TBCE: variants seen among roughly 807,000 people sequenced by gnomAD.
TBCE encodes the protein tubulin folding cofactor E, also known as tubulin-specific chaperone E.
TBCE carries 53 observed loss-of-function variants against 77.0 expected under a neutral mutation model. The ratio of observed to expected loss-of-function variants is 0.69; its 90% CI spans 0.55 to 0.87. The LOEUF (loss-of-function observed/expected upper bound fraction) is 0.87. TBCE is among the 40% of genes least tolerant of loss of function. The probability of loss-of-function intolerance (pLI) is 0.00; values close to 1 mark genes in which losing one functional copy is unlikely to be tolerated. For synonymous variants in TBCE, 235 were observed against 241.3 expected, an observed-to-expected ratio of 0.97 and a Z score of 0.24; for missense variants, 624 against 622.4, an observed-to-expected ratio of 1.00 and a Z score of -0.03.
intron 6 of TBCE, chr1:235,430,205 C>G (rs1191187449): frequency 1.3e-5 from 2 of 155,690 alleles, no homozygotes; most frequent in African/African-American, 4.8e-5. Flanking sequence ...AAGTGACTGT[C>G]AGGATTGAAT....
At position 235,442,931 on chromosome 1, in the gene TBCE, CT is replaced by C; in HGVS notation, c.1399+24del. ...TGCCGGGTAAGAAGAACCAGCCTGTCTTTTCCTTAAACTCTGAATCATCGGC... is the reference window on the plus strand; with the variant it reads ...TGCCGGGTAAGAAGAACCAGCCTGTCTTTCCTTAAACTCTGAATCATCGGC... On this transcript the variant is annotated intron_variant, in intron 15 of 16. Transcript: ENST00000642610. The C allele has an allele frequency of 1.2e-6, 2 of 1,613,632 alleles. No homozygotes were observed. The highest frequency in any genetic ancestry group is 2.2e-5 in the South Asian group (2 of 91,046).
chr1:235,376,789 C>T (rs1469374079), intron 1 of TBCE, among the ~76,000 whole-genome samples: 1 of 152,060 alleles, frequency 6.6e-6, no homozygotes, highest in Non-Finnish European at 1.5e-5. Flanking sequence ...GCCTGGCCCA[C>T]ATGGTGAAAT....
intron 2 of TBCE, among the ~76,000 whole-genome samples, chr1:235,388,038 T>A (rs1245537719): frequency 2.0e-5 from 3 of 152,340 alleles, no homozygotes; most frequent in South Asian, 4.1e-4. Flanking sequence ...CAAGGGTTTT[T>A]ACTTTCCTGG....
intron 6 of TBCE, among the ~76,000 whole-genome samples, chr1:235,428,921 G>A (rs1054897451): frequency 1.3e-5 from 2 of 149,360 alleles, no homozygotes; most frequent in African/African-American, 5.0e-5. Flanking sequence ...GGATTACAGT[G>A]TGAGCCACTG....
At chr1:235,444,192 T>G (rs1243288831) in intron 15 of TBCE, among the ~76,000 whole-genome samples, 1 of 152,218 alleles carries the variant, frequency 6.6e-6, no homozygotes, top group Non-Finnish European at 1.5e-5. Context: ...CCTTTCTGAT[T>G]GATAACCATC....
At chr1:235,397,784 C>A (rs903150149) in intron 2 of TBCE, among the ~76,000 whole-genome samples, 1 of 152,164 alleles carries the variant, frequency 6.6e-6, no homozygotes, top group Non-Finnish European at 1.5e-5. Flanking sequence ...AGGGTTTGTT[C>A]GCCCTGGATG....
chr1:235,395,110 A>G (rs1678646111), intron 2 of TBCE, among the ~76,000 whole-genome samples: 1 of 152,248 alleles, frequency 6.6e-6, no homozygotes, highest in South Asian at 2.1e-4. Flanking sequence ...GGGAATTATG[A>G]GTAAAGTTGC....
chr1:235,447,390 A>G (rs1019890673), intron 15 of TBCE, among the ~76,000 whole-genome samples: 26 of 152,194 alleles, frequency 1.7e-4, no homozygotes, highest in African/African-American at 5.3e-4. Flanking sequence ...CTTATAATCA[A>G]AATATCCACT....
chr1:235,387,671 G>T (rs571735995), intron 2 of TBCE, among the ~76,000 whole-genome samples: 1 of 152,236 alleles, frequency 6.6e-6, no homozygotes, highest in South Asian at 2.1e-4. Context: ...TATTAGGGTG[G>T]GAGTGACCCG....
rs2270538 is a variant in TBCE at position 235,439,089 on chromosome 1, G to A, written c.1270+167G>A. On this transcript the variant is annotated intron_variant, in intron 13 of 16. Transcript: ENST00000642610. Reference sequence around the variant, plus strand: ...ATAGGCACTTTCCTGGGGCGAGGGCGGCAGGGCAAGAGCAGTATCTTTCAG... The same window carrying A: ...ATAGGCACTTTCCTGGGGCGAGGGCAGCAGGGCAAGAGCAGTATCTTTCAG... The A allele has an allele frequency of 0.64, 542,392 of 847,630 alleles. 175,010 individuals carry two copies. Among genetic ancestry groups the A allele is most frequent in the African/African-American group, 0.79 (46,882 of 59,012 alleles). The allele number at this position is 847,630 out of a possible 1,614,324, so 52.5% of individuals were successfully genotyped here.
intron 14 of TBCE, among the ~76,000 whole-genome samples, 200 bp from the exon 15 acceptor site, chr1:235,442,652 A>G (rs1209189464): frequency 6.6e-6 from 1 of 152,226 alleles, no homozygotes; most frequent in East Asian, 1.9e-4. Context: ...TAAGTGGGGA[A>G]AAGGGAAAGT....
chr1:235,420,632 G>A (rs1477786019), intron 5 of TBCE, among the ~76,000 whole-genome samples: 2 of 152,022 alleles, frequency 1.3e-5, no homozygotes, highest in African/African-American at 4.8e-5. Flanking sequence ...ACAGGCGCCC[G>A]CCACCACGCC....
intron 2 of TBCE, among the ~76,000 whole-genome samples, chr1:235,382,735 G>A (rs1677756379): frequency 6.8e-6 from 1 of 148,138 alleles, no homozygotes; most frequent in Non-Finnish European, 1.5e-5. Flanking sequence ...AGATGAGTAG[G>A]TTGCGAAAAT....
chr1:235,437,355 A>G lies in TBCE; in HGVS notation c.997A>G (p.Ser333Gly). ...SFFNELEKLP[S>G]LRALSCLRNP... Reference sequence around the variant, plus strand: ...TTTCAATGAGCTAGAGAAGTTACCAAGTCTACGGGCTTTGTCCTGCCTAAG... The same window carrying G: ...TTTCAATGAGCTAGAGAAGTTACCAGGTCTACGGGCTTTGTCCTGCCTAAG... Residue 333 changes from serine (S) to glycine (G), a missense_variant, in exon 12 of 17, where the codon AGT becomes GGT. Ser to Gly is a moderately conservative substitution (Grantham distance 56). Transcript: ENST00000642610. The G allele has an allele frequency of 6.2e-7, 1 of 1,614,126 alleles. No individual in the cohort carries two copies. Among genetic ancestry groups the G allele is most frequent in the Non-Finnish European group, 8.5e-7 (1 of 1,180,030 alleles).
intron 2 of TBCE, among the ~76,000 whole-genome samples, chr1:235,382,024 C>T (rs1421981748): frequency 7.1e-6 from 1 of 140,728 alleles, no homozygotes; most frequent in African/African-American, 2.6e-5. Flanking sequence ...TCCATGTGTT[C>T]TCATTGTTCA....
chr1:235,402,611 T>G (rs769181930), intron 3 of TBCE, among the ~76,000 whole-genome samples: 2 of 152,038 alleles, frequency 1.3e-5, no homozygotes, highest in African/African-American at 4.8e-5. Context: ...TTTTTAACAG[T>G]CTTTTTTGTT....
At chr1:235,417,953 AT>A (rs1004762513) in intron 4 of TBCE, among the ~76,000 whole-genome samples, 3 of 151,246 alleles carry the variant, frequency 2.0e-5, no homozygotes, top group Admixed American at 1.3e-4. Context: ...AATTTTTGTT[AT>A]TTTTTTTAGT....
At chr1:235,430,918 C>G in intron 7 of TBCE, 114 bp downstream of exon 7, 1 of 872,056 alleles carries the variant, frequency 1.1e-6, no homozygotes, top group Non-Finnish European at 1.9e-6. Context: ...TTAAATCATC[C>G]CAGTATCTAT....
chr1:235,383,490 A>C (rs991376267), intron 2 of TBCE, among the ~76,000 whole-genome samples: 90 of 152,066 alleles, frequency 5.9e-4, no homozygotes, highest in Non-Finnish European at 1.2e-3. Context: ...CTTTTATTTC[A>C]TTGAGCAGTG....
Sources: allele counts gnomAD v4.1 joint callset (sites outside exome capture counted in the v4.1 genomes callset), GRCh38; gene constraint gnomAD v4.1.1; transcripts MANE v1.5; gene names NCBI Gene and HGNC (gene_info 2026-07-23, HGNC 2026-07-21).